The following CTPS1 variants were observed in gnomAD, a reference collection of about 807,000 sequenced individuals.
CTPS1 encodes the protein CTP synthetase 1.
A neutral mutation model predicts 80.5 loss-of-function variants in CTPS1; 25 were observed. That is an observed-to-expected ratio of 0.31 (90% CI 0.23 to 0.43). The LOEUF is 0.43. Among genes scored for constraint, CTPS1 ranks in the 20% least tolerant of loss-of-function variants. The probability of loss-of-function intolerance (pLI) is 1.00; values close to 1 mark genes in which losing one functional copy is unlikely to be tolerated. For missense variants in CTPS1, 442 were observed against 725.7 expected, an observed-to-expected ratio of 0.61 and a Z score of 4.49; for synonymous variants, 267 against 252.5, an observed-to-expected ratio of 1.06 and a Z score of -0.54.
At position 40,995,983 on chromosome 1, in the gene CTPS1, G is replaced by T; in HGVS notation, c.787G>T (p.Val263Leu). ...VPLLLEEQGVVDYFLRRLDLP... is the reference protein window; with the variant it reads ...VPLLLEEQGVLDYFLRRLDLP... The stretch of plus-strand genomic sequence containing the variant: ...CTTGTTGTTAGAGGAGCAAGGGGTT[G>T]TAGATTATTTTCTTCGAAGACTTGA... The change falls in exon 8 of 19, where the codon GTA (valine) becomes TTA (leucine). Residue 263 changes from valine to leucine, a missense_variant. Physicochemically the swap from Val to Leu is conservative, Grantham distance 32. Around this residue, in one of 4 missense-constraint regions of CTPS1, gnomAD observed 321 missense variants for 467.2 expected, o/e 0.69. Transcript: ENST00000650070. The T allele has an allele frequency of 6.2e-7, 1 of 1,614,196 alleles. No homozygotes were observed. The highest frequency in any genetic ancestry group is 8.5e-7 in the Non-Finnish European group (1 of 1,180,020).
chr1:40,983,054 C>T (rs1642360012), intron 1 of CTPS1: 1 of 392,822 alleles, frequency 2.5e-6, no homozygotes, highest in Non-Finnish European at 4.6e-6. Flanking sequence ...ATTAGAGTAG[C>T]AGTTGTTTTT....
At chr1:40,982,564 AT>A (rs1263246198) in intron 1 of CTPS1, among the ~76,000 whole-genome samples, 1 of 151,982 alleles carries the variant, frequency 6.6e-6, no homozygotes, top group Non-Finnish European at 1.5e-5. Flanking sequence ...TAATTTTTGT[AT>A]TTTTAGTAGA....
Position 41,007,657 on chromosome 1 carries a change from T to C in CTPS1, c.1393+112T>C, listed in dbSNP as rs1570982457. 3.7e-6 allele frequency: 3 copies of C among 813,368 alleles called. No homozygotes were observed. The East Asian group carries it at 7.8e-5, about 21-fold the overall frequency. The allele number at this position is 813,368 out of a possible 1,614,324, so 50.4% of individuals were successfully genotyped here. On this transcript the variant is annotated intron_variant, in intron 14 of 18. Coordinates refer to ENST00000650070, the MANE Select transcript of CTPS1 (RefSeq NM_001905.4). The surrounding 1 kb of genome is among the most constrained non-coding windows in gnomAD (Gnocchi z 4.4). ...GGCTGGCTTTTTTTGGTTTCGTTCT[T>C]GCTTTTGAAGTTCATTCTTTCCTCT...
Position 41,009,563 on chromosome 1 carries a change from C to T in CTPS1, c.1665C>T (p.Leu555=). 1 of 1,614,134 alleles carries T rather than the reference C, an allele frequency of 6.2e-7. No homozygotes were observed. ...CTGTGGGGCGGCTCTCACATTACCT[C>T]CAGAAAGGCTGCAGGCTCTCACCCA... The part of the protein sequence containing the change: ...LASVGRLSHY[L]QKGCRLSPRD... The change falls in exon 17 of 19, where the codon CTC becomes CTT. Residue 555 remains leucine, a synonymous_variant. Coordinates refer to ENST00000650070, the MANE Select transcript of CTPS1 (RefSeq NM_001905.4).
rs1289645252 is a variant in CTPS1, at chr1:40,995,934, T to C, written c.738T>C (p.Asp246=). 1.2e-6 allele frequency: 2 copies of C among 1,614,150 alleles called. No homozygotes were observed. The highest frequency in any genetic ancestry group is 2.2e-5 in the South Asian group (2 of 91,082). ...CTAAACAGGTGATCTGTGTCCACGA[T>C]GTCTCATCCATCTACCGAGTCCCCT... ...VEPEQVICVH[D]VSSIYRVPLL... Residue 246 remains aspartate, a synonymous_variant, in exon 8 of 19, where the codon GAT becomes GAC. Coordinates refer to ENST00000650070, the MANE Select transcript of CTPS1 (RefSeq NM_001905.4).
rs1558128812 is a variant in CTPS1 at position 40,983,266 on chromosome 1, TC to T, written c.-13-10del. The T allele has an allele frequency of 6.2e-7, 1 of 1,605,944 alleles. No individual in the cohort carries two copies. Among genetic ancestry groups the T allele is most frequent in the Non-Finnish European group, 8.5e-7 (1 of 1,175,110 alleles). Reference sequence around the variant, plus strand: ...ATACATTTATATCATCTGTAATTTTTCCTTCTTCCAGGTCAAAGAGTAAAAT... The same window carrying T: ...ATACATTTATATCATCTGTAATTTTTCTTCTTCCAGGTCAAAGAGTAAAAT... On this transcript the variant is annotated splice_polypyrimidine_tract_variant and intron_variant, in intron 1 of 18. Transcript: ENST00000650070.
intron 18 of CTPS1, among the ~76,000 whole-genome samples, chr1:41,011,012 G>A (rs1033925118): frequency 6.6e-6 from 1 of 152,180 alleles, no homozygotes; most frequent in Non-Finnish European, 1.5e-5. Flanking sequence ...TGGTTCCACC[G>A]CTCCTGCCCT....
intron 13 of CTPS1, among the ~76,000 whole-genome samples, chr1:41,006,912 G>C (rs926052386): frequency 2.6e-5 from 4 of 152,306 alleles, no homozygotes; most frequent in South Asian, 2.1e-4. Flanking sequence ...ATGTTTTGCA[G>C]CATGGGGCTT....
chr1:40,982,200 C>T (rs939628365), intron 1 of CTPS1, among the ~76,000 whole-genome samples: 1 of 152,060 alleles, frequency 6.6e-6, no homozygotes. Flanking sequence ...TTTCTCCTTT[C>T]CCTGCCACCG....
At chr1:40,997,598 C>A in intron 9 of CTPS1, 72 bp downstream of exon 9, 1 of 1,501,102 alleles carries the variant, frequency 6.7e-7, no homozygotes, top group South Asian at 1.3e-5. Flanking sequence ...GGTGCTGTGT[C>A]ATATCTGCTT....
chr1:40,982,735 CT>C (rs1284913009), intron 1 of CTPS1, among the ~76,000 whole-genome samples: 1 of 152,242 alleles, frequency 6.6e-6, no homozygotes, highest in Non-Finnish European at 1.5e-5. Flanking sequence ...GCTGCAACCA[CT>C]TTTAAATGTT....
At position 41,001,185 on chromosome 1, in the gene CTPS1, G is replaced by C. The variant is rs186698522; in HGVS notation, c.1094+68G>C. Reference sequence around the variant, plus strand: ...TTTGTTTTAATGAAAAAGTCCTCTTGTTTTCATGTGCCAGTAGTAGGTAAT... The same window carrying C: ...TTTGTTTTAATGAAAAAGTCCTCTTCTTTTCATGTGCCAGTAGTAGGTAAT... On this transcript the variant is annotated intron_variant, in intron 10 of 18. Transcript: ENST00000650070. 23 of 1,099,420 alleles carry C rather than the reference G, an allele frequency of 2.1e-5. No individual in the cohort carries two copies. In the African/African-American group the frequency reaches 3.4e-4, roughly 16 times the overall value. 68.1% of individuals were successfully genotyped at this position (1,099,420 alleles called of 1,614,324 possible). A position where few individuals can be genotyped will look rare whatever the true frequency, so the allele number is the denominator to read the frequency against.
chr1:41,010,469 C>G (rs1570987537), intron 18 of CTPS1, among the ~76,000 whole-genome samples: 1 of 152,286 alleles, frequency 6.6e-6, no homozygotes, highest in East Asian at 1.9e-4. Flanking sequence ...TGCAGTGCAC[C>G]TCCCAGTCCT....
chr1:41,001,409 T>C, intron 10 of CTPS1: 1 of 291,776 alleles, frequency 3.4e-6, no homozygotes, highest in South Asian at 3.3e-5. Context: ...CAGTAGAGTC[T>C]CATCAGTTGT....
intron 10 of CTPS1, 52 bp downstream of exon 10, chr1:41,001,169 A>G: frequency 7.4e-7 from 1 of 1,357,258 alleles, no homozygotes; most frequent in South Asian, 1.3e-5. Flanking sequence ...GTTTGTTTTA[A>G]TGAAAAAGTC....
chr1:40,993,143 T>A (rs1488892585), intron 7 of CTPS1, among the ~76,000 whole-genome samples: 1 of 152,088 alleles, frequency 6.6e-6, no homozygotes, highest in Non-Finnish European at 1.5e-5. Context: ...CTCCACCTGC[T>A]GGGTTCAAGT....
At chr1:40,995,522 A>T (rs961705193) in intron 7 of CTPS1, among the ~76,000 whole-genome samples, 1 of 151,458 alleles carries the variant, frequency 6.6e-6, no homozygotes, top group Non-Finnish European at 1.5e-5. Flanking sequence ...GCTACCCCCC[A>T]GTTAGCTGAG....
intron 12 of CTPS1, among the ~76,000 whole-genome samples, chr1:41,005,495 A>G (rs1643011790): frequency 6.6e-6 from 1 of 152,142 alleles, no homozygotes; most frequent in African/African-American, 2.4e-5. Flanking sequence ...CTAATTAAAA[A>G]TTACTAGGTT....
chr1:40,986,472 G>A (rs1379947932), intron 3 of CTPS1, among the ~76,000 whole-genome samples: 2 of 152,240 alleles, frequency 1.3e-5, no homozygotes, highest in African/African-American at 4.8e-5. Flanking sequence ...ACTCGGAGGA[G>A]TGGGAAGCCA....
Sources: allele counts gnomAD v4.1 joint callset (sites outside exome capture counted in the v4.1 genomes callset), GRCh38; gene constraint gnomAD v4.1.1; regional missense constraint gnomAD v4.1.1; non-coding constraint Gnocchi (gnomAD v3.1); transcripts MANE v1.5; gene names NCBI Gene and HGNC (gene_info 2026-07-23, HGNC 2026-07-21).